Variants in SHC4 observed in about 807,000 individuals in gnomAD.
SHC4 encodes the protein SHC-transforming protein 4.
A neutral mutation model predicts 69.4 loss-of-function variants in SHC4; 41 were observed. The observed-to-expected ratio is 0.59, with a 90% confidence interval of 0.46 to 0.77. SHC4 has a LOEUF of 0.77. SHC4 is among the 30% of genes least tolerant of loss of function. The probability of loss-of-function intolerance (pLI) is 0.00; values close to 1 mark genes in which losing one functional copy is unlikely to be tolerated. For missense variants in SHC4, 777 were observed against 783.8 expected, an observed-to-expected ratio of 0.99 and a Z score of 0.10; for synonymous variants, 318 against 299.3, an observed-to-expected ratio of 1.06 and a Z score of -0.64.
At position 48,962,659 on chromosome 15, in the gene SHC4, G is replaced by C; in HGVS notation, c.357C>G (p.Leu119=). ...TGGAACCTGGGTCCCGGCTTTCCTG[G>C]AGCTTCAGCCGAGGCACCTCTTTGG... ...LGTKEVPRLK[L]QESRDPGSSG... is the part of the protein sequence containing the mutation. The change falls in exon 1 of 12, where the codon CTC becomes CTG. Residue 119 remains leucine, a synonymous_variant. Transcript: ENST00000332408. 6.2e-7 allele frequency: 1 copy of C among 1,614,212 alleles called. No individual in the cohort carries two copies. Among genetic ancestry groups the C allele is most frequent in the Non-Finnish European group, 8.5e-7 (1 of 1,180,042 alleles).
At chr15:48,897,602 T>C (rs1296056611) in intron 2 of SHC4, among the ~76,000 whole-genome samples, 2 of 145,688 alleles carry the variant, frequency 1.4e-5, no homozygotes, top group Admixed American at 7.0e-5. Context: ...GAGCATTTAA[T>C]GGGAGGAGAG....
At chr15:48,944,173 C>T (rs997858331) in intron 1 of SHC4, among the ~76,000 whole-genome samples, 2 of 152,154 alleles carry the variant, frequency 1.3e-5, no homozygotes, top group Non-Finnish European at 2.9e-5. Flanking sequence ...GCTCTGTGTG[C>T]AACACCATGT....
At chr15:48,853,427 GTGCTATTCCAATAAAACACCAACATCAT>G (rs1458609168) in intron 8 of SHC4, among the ~76,000 whole-genome samples, 3 of 152,074 alleles carry the variant, frequency 2.0e-5, no homozygotes, top group Non-Finnish European at 4.4e-5. Flanking sequence ...TACAGATCCA[GTGCTATTCCAATAAAACACCAACATCAT>G]TTTCCCCAGA....
At chr15:48,909,884 C>G (rs1900475643) in intron 2 of SHC4, among the ~76,000 whole-genome samples, 1 of 152,032 alleles carries the variant, frequency 6.6e-6, no homozygotes, top group Non-Finnish European at 1.5e-5. Context: ...TTAAACTATC[C>G]CGCATCCCTG....
intron 2 of SHC4, among the ~76,000 whole-genome samples, chr15:48,907,425 C>T (rs1479854524): frequency 1.3e-5 from 2 of 150,174 alleles, no homozygotes; most frequent in South Asian, 2.1e-4. Flanking sequence ...GTTTTTTTTT[C>T]CATAAGTTAT....
chr15:48,878,320 G>T, intron 4 of SHC4: 1 of 1,613,690 alleles, frequency 6.2e-7, no homozygotes, highest in Non-Finnish European at 8.5e-7. Flanking sequence ...CCCGCAGCGG[G>T]GCCCAACAGC....
intron 2 of SHC4, among the ~76,000 whole-genome samples, chr15:48,912,968 C>T (rs968803365): frequency 6.6e-6 from 1 of 151,336 alleles, no homozygotes; most frequent in African/African-American, 2.4e-5. Context: ...GCTGTGGATA[C>T]CAGTGCCTGT....
intron 2 of SHC4, among the ~76,000 whole-genome samples, chr15:48,909,136 G>C (rs1473541560): frequency 6.6e-6 from 1 of 152,108 alleles, no homozygotes; most frequent in African/African-American, 2.4e-5. Flanking sequence ...GATTGCTTTT[G>C]GCAGTATGGT....
Position 48,963,103 on chromosome 15 carries a change from G to A in SHC4, c.-88C>T. ...CGGTGCAGACATCAGATACCTCAAC[G>A]CCCGATGCAACTCACAGCAGCCACC... is the stretch of plus-strand genomic sequence containing the variant. On this transcript the variant is annotated 5_prime_UTR_variant, in exon 1 of 12. Coordinates refer to ENST00000332408, the MANE Select transcript of SHC4 (RefSeq NM_203349.4). 7.4e-7 allele frequency: 1 copy of A among 1,355,534 alleles called. No individual in the cohort carries two copies. Among genetic ancestry groups the A allele is most frequent in the Non-Finnish European group, 1.0e-6 (1 of 995,470 alleles). The allele number at this position is 1,355,534 out of a possible 1,614,324, so 84.0% of individuals were successfully genotyped here.
intron 2 of SHC4, among the ~76,000 whole-genome samples, chr15:48,923,277 T>A (rs985465486): frequency 3.3e-5 from 5 of 151,934 alleles, no homozygotes; most frequent in Admixed American, 3.3e-4. Context: ...TAAGGCTGGG[T>A]GTAGTGGCTC....
intron 4 of SHC4, chr15:48,876,547 C>T: frequency 4.5e-6 from 3 of 665,274 alleles, no homozygotes; most frequent in East Asian, 5.5e-5. Flanking sequence ...TATTAACTCA[C>T]ATGATCACAA....
chr15:48,932,368 CCTT>C (rs1900981577), intron 1 of SHC4, among the ~76,000 whole-genome samples: 1 of 152,146 alleles, frequency 6.6e-6, no homozygotes. Flanking sequence ...GCAATCAGGT[CCTT>C]CTACTACAGG....
chr15:48,892,229 G>C (rs942655159), intron 2 of SHC4, among the ~76,000 whole-genome samples: 5 of 152,126 alleles, frequency 3.3e-5, no homozygotes, highest in African/African-American at 1.2e-4. Context: ...AAATACTTTT[G>C]AAAGATAAGC....
chr15:48,843,831 C>T (rs1167499744), intron 9 of SHC4, among the ~76,000 whole-genome samples: 2 of 152,086 alleles, frequency 1.3e-5, no homozygotes, highest in Non-Finnish European at 2.9e-5. Context: ...CCAATTGCGT[C>T]AACAGCAGAC....
chr15:48,926,005 G>A (rs1900847582), intron 1 of SHC4, among the ~76,000 whole-genome samples: 2 of 152,160 alleles, frequency 1.3e-5, no homozygotes, highest in Admixed American at 1.3e-4. Flanking sequence ...GAACAGTGAT[G>A]CCATCAACAG....
chr15:48,953,394 C>A (rs183291694), intron 1 of SHC4, among the ~76,000 whole-genome samples: 1 of 151,950 alleles, frequency 6.6e-6, no homozygotes, highest in Non-Finnish European at 1.5e-5. Flanking sequence ...GTAACATGTA[C>A]CCCTGAACTT....
intron 10 of SHC4, among the ~76,000 whole-genome samples, chr15:48,837,983 T>C (rs1210085560): frequency 6.6e-6 from 1 of 152,194 alleles, no homozygotes; most frequent in African/African-American, 2.4e-5. Context: ...GAATCCCATT[T>C]TTTAAAAGCA....
intron 11 of SHC4, among the ~76,000 whole-genome samples, chr15:48,827,598 T>G (rs997150183): frequency 3.9e-5 from 6 of 152,056 alleles, no homozygotes; most frequent in Admixed American, 3.9e-4. Flanking sequence ...CTCTAATTAC[T>G]CTCTCTGTCC....
At chr15:48,940,172 C>T (rs1237176624) in intron 1 of SHC4, among the ~76,000 whole-genome samples, 2 of 152,194 alleles carry the variant, frequency 1.3e-5, no homozygotes, top group Non-Finnish European at 2.9e-5. Flanking sequence ...AATGCCCTTG[C>T]AGGATGGTTT....
Sources: allele counts gnomAD v4.1 joint callset (sites outside exome capture counted in the v4.1 genomes callset), GRCh38; gene constraint gnomAD v4.1.1; transcripts MANE v1.5; gene names NCBI Gene and HGNC (gene_info 2026-07-23, HGNC 2026-07-21).